The following SLC22A14 variants were observed in gnomAD, a reference collection of about 807,000 sequenced individuals.
The protein encoded by SLC22A14 is solute carrier family 22 member 14, also known as organic cation transporter-like 4.
Under a neutral mutation model 53.9 loss-of-function variants are expected in SLC22A14, and 50 were observed. That is an observed-to-expected ratio of 0.93 (90% CI 0.74 to 1.17). The LOEUF (loss-of-function observed/expected upper bound fraction) is 1.17, where lower values mean the gene tolerates loss of function less well. Among genes scored for constraint, SLC22A14 ranks in the 50% most tolerant of loss-of-function variants. SLC22A14 has a pLI of 0.00. For missense variants in SLC22A14, 671 were observed against 734.7 expected (o/e 0.91, Z 1.00); for synonymous variants, 312 against 303.0 (o/e 1.03, Z -0.31).
intron 2 of SLC22A14, among the ~76,000 whole-genome samples, chr3:38,306,922 C>T (rs1559550935): frequency 6.6e-6 from 1 of 152,226 alleles, no homozygotes; most frequent in Non-Finnish European, 1.5e-5. Flanking sequence ...ACAACACAGA[C>T]CGCCCTAGCA....
intron 1 of SLC22A14, 40 bp from the exon 2 acceptor site, chr3:38,305,987 G>GAGA (rs774704572): frequency 6.4e-7 from 1 of 1,561,176 alleles, no homozygotes; most frequent in Non-Finnish European, 8.7e-7. Context: ...TTTAGGAAGT[G>GAGA]GTGTCAGCAG....
In SLC22A14 at chr3:38,298,554, T is replaced by TTGTG. The variant is rs112527761; in HGVS notation, c.1-7451_1-7448dup. Among the ~76,000 whole-genome samples the TTGTG allele has an allele frequency of 9.4e-3, 1,405 of 148,982 alleles. 14 individuals carry two copies. Among genetic ancestry groups the TTGTG allele is most frequent in the African/African-American group, 0.024 (988 of 40,616 alleles). On this transcript the variant is annotated intron_variant, in intron 1 of 10. Transcript: ENST00000448498. ...AGTCTTCATTCTAGTCTTCCCTGTC[T>TTGTG]TGTGTGTGTGTGTGTGTGTGTGTGT...
Position 38,309,139 on chromosome 3 carries a change from C to A in SLC22A14, c.944+17C>A, listed in dbSNP as rs704929. The stretch of plus-strand genomic sequence containing the variant: ...CTATATCTGGTGAGCAAGCGAGTAC[C>A]GGGCATGTACAGGGCTGGGTCTGAT... On this transcript the variant is annotated intron_variant, in intron 5 of 10. Transcript: ENST00000448498. 0.87 allele frequency: 1,398,452 copies of A among 1,608,752 alleles called. 608,838 individuals carry two copies. The highest frequency in any genetic ancestry group is 0.88 in the Non-Finnish European group (1,038,517 of 1,175,528).
chr3:38,309,152 G>T (rs1704400988), intron 5 of SLC22A14, 30 bp downstream of exon 5: 2 of 1,594,108 alleles, frequency 1.3e-6, no homozygotes, highest in South Asian at 2.2e-5. Context: ...GCATGTACAG[G>T]GCTGGGTCTG....
At chr3:38,317,556 C>T (rs543760195) in intron 10 of SLC22A14, among the ~76,000 whole-genome samples, 1 of 152,282 alleles carries the variant, frequency 6.6e-6, no homozygotes, top group South Asian at 2.1e-4. Context: ...AGAGGAAGTT[C>T]AGCGCCGCAC....
chr3:38,295,832 CTCT>C (rs1349980940), intron 1 of SLC22A14, among the ~76,000 whole-genome samples: 4 of 151,918 alleles, frequency 2.6e-5, no homozygotes, highest in Non-Finnish European at 5.9e-5. Flanking sequence ...CTTTCTCTCT[CTCT>C]TCTTTTAGCC....
At chr3:38,314,083 G>A in intron 8 of SLC22A14, 142 bp downstream of exon 8, 2 of 650,452 alleles carry the variant, frequency 3.1e-6, no homozygotes, top group South Asian at 1.9e-5. Flanking sequence ...CCCCACAGAG[G>A]CCCCAGCACC....
At chr3:38,296,198 A>T (rs762646761) in intron 1 of SLC22A14, among the ~76,000 whole-genome samples, 3 of 152,240 alleles carry the variant, frequency 2.0e-5, no homozygotes, top group African/African-American at 4.8e-5. Flanking sequence ...GCTGTTGAAT[A>T]GAGACTTCTG....
At chr3:38,280,456 A>C (rs1703643083), upstream of SLC22A14, among the ~76,000 whole-genome samples, 1 of 152,160 alleles carries the variant, frequency 6.6e-6, no homozygotes. Context: ...ATGACCTCCT[A>C]AATTTTTAAC....
upstream of SLC22A14, among the ~76,000 whole-genome samples, chr3:38,280,872 C>T (rs911298697): frequency 5.3e-5 from 8 of 152,330 alleles, no homozygotes; most frequent in African/African-American, 1.7e-4. Flanking sequence ...TCAGGTGATC[C>T]GTCTGCCTCA....
intron 9 of SLC22A14, among the ~76,000 whole-genome samples, chr3:38,316,025 C>T (rs570570426): frequency 2.0e-5 from 3 of 152,330 alleles, no homozygotes; most frequent in African/African-American, 7.2e-5. Context: ...GTGTTTGGGC[C>T]ACTTGGAGGC....
At chr3:38,315,394 T>C (rs1704591887) in intron 8 of SLC22A14, among the ~76,000 whole-genome samples, 164 bp from the exon 9 acceptor site, 1 of 152,322 alleles carries the variant, frequency 6.6e-6, no homozygotes, top group Admixed American at 6.5e-5. Context: ...GCACTGCAAA[T>C]GTCCTGCCTT....
intron 9 of SLC22A14, among the ~76,000 whole-genome samples, 183 bp downstream of exon 9, chr3:38,315,894 C>T (rs548446952): frequency 6.6e-6 from 1 of 152,352 alleles, no homozygotes; most frequent in South Asian, 2.1e-4. Context: ...AACCCTATTT[C>T]AGATGCAAGA....
chr3:38,298,976 C>G (rs762339744), intron 1 of SLC22A14, among the ~76,000 whole-genome samples: 1 of 152,160 alleles, frequency 6.6e-6, no homozygotes, highest in Non-Finnish European at 1.5e-5. Context: ...TCCATCTCTG[C>G]GAGAAACAAA....
intron 5 of SLC22A14, 119 bp from the exon 6 acceptor site, chr3:38,312,880 C>T (rs1704507780): frequency 7.3e-7 from 1 of 1,371,526 alleles, no homozygotes; most frequent in Admixed American, 2.0e-5. Context: ...CTTCAAGGCC[C>T]TGACATCTGA....
chr3:38,313,698 A>G (rs113779712), intron 7 of SLC22A14, 29 bp from the exon 8 acceptor site: 468 of 677,884 alleles, frequency 6.9e-4, no homozygotes, highest in African/African-American at 2.0e-3. Context: ...GCGCGTGTGC[A>G]CGCGCACTTG....
In SLC22A14 at chr3:38,318,448, C is replaced by A; in HGVS notation, c.*199C>A. On this transcript the variant is annotated 3_prime_UTR_variant, in exon 11 of 11. Coordinates refer to ENST00000448498, the MANE Select transcript of SLC22A14 (RefSeq NM_001320033.2). ...TGGATTCCAGGCCACAAATTCCAGG[C>A]CTAGTTCAGTCTGGGGGCAGGGTCA... 1.7e-6 allele frequency: 1 copy of A among 591,032 alleles called. No homozygotes were observed. Among genetic ancestry groups the A allele is most frequent in the Non-Finnish European group, 3.1e-6 (1 of 327,334 alleles). The allele number at this position is 591,032 out of a possible 1,614,324, so 36.6% of individuals were successfully genotyped here.
rs148021322 is a variant in SLC22A14, at chr3:38,313,362, TCTGA to T, written c.1066-22_1066-19del. ...AGCAAGCTGGGGTCTTGGCCCTGCC[TCTGA>T]CTGGTCCTGCTTGTTCTGTAGCTGC... On this transcript the variant is annotated intron_variant, in intron 6 of 10. Coordinates refer to ENST00000448498, the MANE Select transcript of SLC22A14 (RefSeq NM_001320033.2). The T allele has an allele frequency of 7.2e-4, 1,145 of 1,581,826 alleles. 15 individuals are homozygous for T. In the East Asian group the frequency reaches 0.023, roughly 32 times the overall value.
chr3:38,307,937 A>G lies in SLC22A14; in HGVS notation c.775+217A>G, dbSNP rs1278849632. On this transcript the variant is annotated intron_variant, in intron 4 of 10. Coordinates refer to ENST00000448498, the MANE Select transcript of SLC22A14 (RefSeq NM_001320033.2). The surrounding 1 kb of genome is among the most constrained non-coding windows in gnomAD (Gnocchi z 4.4). Reference sequence around the variant, plus strand: ...TCAGGGGCCTAATTGGACAGGCAGAAGTGGAAGGGATCTCCGTTCCTGGCT... The same window carrying G: ...TCAGGGGCCTAATTGGACAGGCAGAGGTGGAAGGGATCTCCGTTCCTGGCT... 1.7e-6 allele frequency: 1 copy of G among 580,900 alleles called. No homozygotes were observed. The highest frequency in any genetic ancestry group is 3.1e-6 in the Non-Finnish European group (1 of 326,192). The allele number at this position is 580,900 out of a possible 1,614,324, so 36.0% of individuals were successfully genotyped here. A position where few individuals can be genotyped will look rare whatever the true frequency, so the allele number is the denominator to read the frequency against.
Sources: gnomAD v4.1 joint callset for allele counts (sites outside exome capture counted in the v4.1 genomes callset) on GRCh38, gnomAD v4.1.1 for gene constraint, Gnocchi (gnomAD v3.1) non-coding constraint, MANE v1.5 for transcripts, NCBI Gene and HGNC (gene_info 2026-07-23, HGNC 2026-07-21) for gene names.